The following CRTC3 variants were observed in gnomAD, a reference collection of about 807,000 sequenced individuals.
The protein encoded by CRTC3 is CREB regulated transcription coactivator 3.
Under a neutral mutation model 74.5 loss-of-function variants are expected in CRTC3, and 26 were observed. The ratio of observed to expected loss-of-function variants is 0.35; its 90% CI spans 0.26 to 0.48. The LOEUF (loss-of-function observed/expected upper bound fraction) is 0.48. Among genes scored for constraint, CRTC3 ranks in the 20% least tolerant of loss-of-function variants. The pLI, the probability that CRTC3 is intolerant of heterozygous loss-of-function variation, is 0.99. For synonymous variants in CRTC3, 377 were observed against 325.8 expected, an observed-to-expected ratio of 1.16 and a Z score of -1.69; for missense variants, 760 against 787.3, an observed-to-expected ratio of 0.97 and a Z score of 0.41.
At chr15:90,602,606 T>C (rs4932353) in intron 4 of CRTC3, among the ~76,000 whole-genome samples, 100,878 of 151,794 alleles carry the variant, frequency 0.66, 34,024 homozygotes, top group South Asian at 0.77. Context: ...CACTCCAGCC[T>C]GGGCAGCATA....
In CRTC3 at chr15:90,643,819, C is replaced by T. The variant is rs985047372; in HGVS notation, c.*1679C>T. 7.7e-5 allele frequency: 18 copies of T among 232,446 alleles called. No homozygotes were observed. The highest frequency in any genetic ancestry group is 2.9e-4 in the African/African-American group (13 of 45,346). 14.4% of individuals were successfully genotyped at this position (232,446 alleles called of 1,614,324 possible). On this transcript the variant is annotated 3_prime_UTR_variant, in exon 15 of 15. Coordinates refer to ENST00000268184, the MANE Select transcript of CRTC3 (RefSeq NM_022769.5). ...ATGCCAGGACCTTTGCTTGGACAGC[C>T]ATTGCCCTTCCAGGAGACCCTGGAG...
At position 90,641,208 on chromosome 15, in the gene CRTC3, G is replaced by A; in HGVS notation, c.1651+9G>A. On this transcript the variant is annotated intron_variant, in intron 14 of 14. Coordinates refer to ENST00000268184, the MANE Select transcript of CRTC3 (RefSeq NM_022769.5). ...GAACACCATCCTGCCAGGTGAGCGAGCTATCCCTCAGCTTCTTTACTGCTT... is the reference window on the plus strand; with the variant it reads ...GAACACCATCCTGCCAGGTGAGCGAACTATCCCTCAGCTTCTTTACTGCTT... The A allele has an allele frequency of 6.4e-7, 1 of 1,573,802 alleles. No homozygotes were observed. The highest frequency in any genetic ancestry group is 8.7e-7 in the Non-Finnish European group (1 of 1,143,936).
rs911009719 is a variant in CRTC3 at position 90,530,317 on chromosome 15, C to T, written c.132+114C>T. 5.0e-5 allele frequency: 28 copies of T among 564,486 alleles called. No individual in the cohort carries two copies. In the African/African-American group the frequency reaches 5.3e-4, roughly 11 times the overall value. 35.0% of individuals were successfully genotyped at this position (564,486 alleles called of 1,614,324 possible). A position where few individuals can be genotyped will look rare whatever the true frequency, so the allele number is the denominator to read the frequency against. ...GGCGGGGCCGGGCGGGGGCCGCGCC[C>T]GGGAACCGGCGGCTGGGAGGGGGAC... is the stretch of plus-strand genomic sequence containing the variant. On this transcript the variant is annotated intron_variant, in intron 1 of 14. Transcript: ENST00000268184. The surrounding 1 kb of genome is among the most constrained non-coding windows in gnomAD (Gnocchi z 6.2).
intron 6 of CRTC3, among the ~76,000 whole-genome samples, chr15:90,613,173 ACT>A (rs1458441680): frequency 7.8e-6 from 1 of 128,778 alleles, no homozygotes; most frequent in African/African-American, 3.1e-5. Context: ...ACAAAGTGAG[ACT>A]CTGTCTCGGG....
At chr15:90,537,615 A>T (rs1596067459) in intron 1 of CRTC3, among the ~76,000 whole-genome samples, 1 of 151,774 alleles carries the variant, frequency 6.6e-6, no homozygotes, top group South Asian at 2.1e-4. Context: ...CGATCTCCTG[A>T]CCTCGTGATC....
Position 90,627,291 on chromosome 15 carries a change from T to C in CRTC3, c.967+1298T>C, listed in dbSNP as rs143429655. Among the ~76,000 whole-genome samples the C allele has an allele frequency of 2.0e-3, 307 of 152,288 alleles. 2 individuals carry two copies. Among genetic ancestry groups the C allele is most frequent in the African/African-American group, 3.6e-3 (150 of 41,564 alleles). On this transcript the variant is annotated intron_variant, in intron 10 of 14. Coordinates refer to ENST00000268184, the MANE Select transcript of CRTC3 (RefSeq NM_022769.5). ...AGTAGCAGGTTTTTCATCGACTGAG[T>C]CTCAGTTTTGATATTTATACATTTG... is the stretch of plus-strand genomic sequence containing the variant.
chr15:90,603,380 T>C (rs539994826), intron 4 of CRTC3, among the ~76,000 whole-genome samples: 6 of 151,624 alleles, frequency 4.0e-5, no homozygotes, highest in East Asian at 3.9e-4. Context: ...GAGGCGGAGC[T>C]TGCAGTGAGC....
chr15:90,593,719 C>T lies in CRTC3; in HGVS notation c.315C>T (p.Pro105=). Residue 105 remains proline, a synonymous_variant, in exon 3 of 15, where the codon CCC becomes CCT. Transcript: ENST00000268184. The part of the protein sequence containing the change: ...VERPSRNRFH[P]LHRRSGDKPG... ...GGCCATCCAGGAACCGCTTCCACCCCCTCCACCGAAGGTCTGGGGACAAGC... is the reference window on the plus strand; with the variant it reads ...GGCCATCCAGGAACCGCTTCCACCCTCTCCACCGAAGGTCTGGGGACAAGC... The T allele has an allele frequency of 1.2e-6, 2 of 1,610,590 alleles. No homozygotes were observed. The highest frequency in any genetic ancestry group is 1.7e-6 in the Non-Finnish European group (2 of 1,177,144).
Position 90,549,781 on chromosome 15 carries a change from C to T in CRTC3, c.231+9644C>T, listed in dbSNP as rs147250471. On this transcript the variant is annotated intron_variant, in intron 2 of 14. Coordinates refer to ENST00000268184, the MANE Select transcript of CRTC3 (RefSeq NM_022769.5). ...GCAGAAGCGTGATCTCAGCTCACTG[C>T]AACTTCTGCCTCCCAGGTTCAAGCG... 9.5e-3 allele frequency among the ~76,000 whole-genome samples: 1,407 copies of T among 148,800 alleles called. 20 individuals are homozygous for T. Among genetic ancestry groups the T allele is most frequent in the African/African-American group, 0.033 (1,341 of 40,192 alleles).
chr15:90,589,474 G>C (rs1027683723), intron 2 of CRTC3, among the ~76,000 whole-genome samples: 3 of 151,786 alleles, frequency 2.0e-5, no homozygotes, highest in Non-Finnish European at 4.4e-5. Flanking sequence ...CCTCAACCTC[G>C]GCCTCCTGAG....
chr15:90,594,083 G>T (rs938621176), intron 3 of CRTC3: 8 of 191,872 alleles, frequency 4.2e-5, no homozygotes, highest in Non-Finnish European at 8.5e-5. Context: ...TTTGAATCAG[G>T]TTAGAGAGCC....
intron 1 of CRTC3, among the ~76,000 whole-genome samples, chr15:90,535,674 C>CA (rs11405540): frequency 0.89 from 135,841 of 152,154 alleles, 60,817 homozygotes; most frequent in Middle Eastern, 0.92. Context: ...AATGATAAGA[C>CA]ATAGATATGT....
chr15:90,625,224 A>G (rs1314360990), intron 9 of CRTC3, among the ~76,000 whole-genome samples: 1 of 152,066 alleles, frequency 6.6e-6, no homozygotes, highest in Non-Finnish European at 1.5e-5. Context: ...CGGCGGACAC[A>G]CTCGCCCTGC....
At chr15:90,603,244 C>A (rs1033327979) in intron 4 of CRTC3, among the ~76,000 whole-genome samples, 1 of 150,466 alleles carries the variant, frequency 6.6e-6, no homozygotes, top group Non-Finnish European at 1.5e-5. Flanking sequence ...GAGATCGAGA[C>A]CATCCTCGCT....
chr15:90,579,622 A>G (rs919507378), intron 2 of CRTC3, among the ~76,000 whole-genome samples: 1 of 144,744 alleles, frequency 6.9e-6, no homozygotes, highest in Non-Finnish European at 1.5e-5. Context: ...TACATGGAGT[A>G]AACGTATTTC....
chr15:90,572,582 T>C (rs985206369), intron 2 of CRTC3, among the ~76,000 whole-genome samples: 2 of 152,190 alleles, frequency 1.3e-5, no homozygotes, highest in Admixed American at 6.5e-5. Context: ...CTTTTTTTGA[T>C]TTCTATTTTT....
At chr15:90,617,764 C>T (rs1968531265) in intron 7 of CRTC3, 119 bp from the exon 8 acceptor site, 3 of 652,240 alleles carry the variant, frequency 4.6e-6, no homozygotes, top group Non-Finnish European at 8.3e-6. Context: ...CTCCTGGGCT[C>T]AAGCGATCCT....
intron 2 of CRTC3, among the ~76,000 whole-genome samples, chr15:90,589,039 T>TGTC (rs1206972873): frequency 2.0e-5 from 3 of 152,124 alleles, no homozygotes; most frequent in African/African-American, 7.2e-5. Flanking sequence ...GTTTTGTTGT[T>TGTC]GTCGTCGTCG....
In CRTC3 at chr15:90,644,341, C is replaced by G. The variant is rs1969553683; in HGVS notation, c.*2201C>G. 4.3e-6 allele frequency: 1 copy of G among 230,372 alleles called. No homozygotes were observed. Among genetic ancestry groups the G allele is most frequent in the African/African-American group, 2.2e-5 (1 of 45,286 alleles). The allele number at this position is 230,372 out of a possible 1,614,324, so 14.3% of individuals were successfully genotyped here. A position where few individuals can be genotyped will look rare whatever the true frequency, so the allele number is the denominator to read the frequency against. Reference sequence around the variant, plus strand: ...ATCTCACTCTCAACAGGCGATGGTGCTGATGTTTCAAGAATTGTGTTTTTA... The same window carrying G: ...ATCTCACTCTCAACAGGCGATGGTGGTGATGTTTCAAGAATTGTGTTTTTA... On this transcript the variant is annotated 3_prime_UTR_variant, in exon 15 of 15. Coordinates refer to ENST00000268184, the MANE Select transcript of CRTC3 (RefSeq NM_022769.5).
Sources: gnomAD v4.1 joint callset for allele counts (sites outside exome capture counted in the v4.1 genomes callset) on GRCh38, gnomAD v4.1.1 for gene constraint, Gnocchi (gnomAD v3.1) non-coding constraint, MANE v1.5 for transcripts, NCBI Gene and HGNC (gene_info 2026-07-23, HGNC 2026-07-21) for gene names.